ANAPC4: variants seen among roughly 807,000 people sequenced by gnomAD.
ANAPC4 encodes the protein anaphase-promoting complex subunit 4.
Under a neutral mutation model 119.8 loss-of-function variants are expected in ANAPC4, and 63 were observed. The observed-to-expected ratio is 0.53, with a 90% CI of 0.43 to 0.65. ANAPC4 has a LOEUF of 0.65. ANAPC4 is among the 30% of genes least tolerant of loss of function. The probability of loss-of-function intolerance (pLI) is 0.00; values close to 1 mark genes in which losing one functional copy is unlikely to be tolerated. For synonymous variants in ANAPC4, 283 were observed against 318.6 expected, an observed-to-expected ratio of 0.89 and a Z score of 1.19; for missense variants, 716 against 945.1, an observed-to-expected ratio of 0.76 and a Z score of 3.18.
intron 14 of ANAPC4, 112 bp from the exon 15 acceptor site, chr4:25,396,552 A>G (rs1722663824): frequency 1.1e-5 from 9 of 814,186 alleles, no homozygotes; most frequent in Non-Finnish European, 1.7e-5. Context: ...TCTCATGGAA[A>G]CAAAATGAAA....
intron 14 of ANAPC4, among the ~76,000 whole-genome samples, chr4:25,396,261 A>G (rs945055163): frequency 6.6e-6 from 1 of 152,174 alleles, no homozygotes; most frequent in Non-Finnish European, 1.5e-5. Flanking sequence ...TATACTGTCA[A>G]TGCCATGAGA....
chr4:25,392,879 G>GTC (rs1722429215), intron 10 of ANAPC4, among the ~76,000 whole-genome samples: 1 of 152,118 alleles, frequency 6.6e-6, no homozygotes, highest in Admixed American at 6.5e-5. Flanking sequence ...GTGATTCCTT[G>GTC]TCTCTACTCC....
At chr4:25,380,004 A>G (rs1721621816) in intron 2 of ANAPC4, among the ~76,000 whole-genome samples, 1 of 152,224 alleles carries the variant, frequency 6.6e-6, no homozygotes, top group Non-Finnish European at 1.5e-5. Flanking sequence ...CACAGCTGAA[A>G]CTAGGTGCCA....
At chr4:25,394,644 C>A (rs756315825) in intron 12 of ANAPC4, 27 bp from the exon 13 acceptor site, 1 of 1,574,794 alleles carries the variant, frequency 6.4e-7, no homozygotes, top group Non-Finnish European at 8.6e-7. Flanking sequence ...AGAGAAGTGA[C>A]TAAAAATACT....
Position 25,405,127 on chromosome 4 carries a change from G to T in ANAPC4, c.1271-446G>T, listed in dbSNP as rs1163110730. Among the ~76,000 whole-genome samples the T allele has an allele frequency of 1.3e-5, 2 of 150,920 alleles. No homozygotes were observed. The highest frequency in any genetic ancestry group is 2.9e-5 in the Non-Finnish European group (2 of 67,824). On this transcript the variant is annotated intron_variant, in intron 17 of 28. Transcript: ENST00000315368. This position sits in a 1 kb window ranked among gnomAD's most constrained non-coding sequence, Gnocchi z 4.6. ...AGTCAACCACAGATACTAGATCAAAGAAAAGTACATAAATATACTGTAAGC... is the reference window on the plus strand; with the variant it reads ...AGTCAACCACAGATACTAGATCAAATAAAAGTACATAAATATACTGTAAGC...
At chr4:25,390,830 T>C (rs1449478975) in intron 8 of ANAPC4, 81 bp from the exon 9 acceptor site, 8 of 1,050,960 alleles carry the variant, frequency 7.6e-6, no homozygotes, top group Non-Finnish European at 2.8e-6. Context: ...TTTAAAGCTC[T>C]GAGTTTTTGC....
chr4:25,381,774 C>T (rs539115781), intron 3 of ANAPC4, among the ~76,000 whole-genome samples: 4 of 152,052 alleles, frequency 2.6e-5, no homozygotes, highest in Admixed American at 1.3e-4. Context: ...ATGGTGAAAC[C>T]CCATCTCTAC....
At chr4:25,409,858 C>G (rs1723468147) in intron 21 of ANAPC4, 67 bp downstream of exon 21, 6 of 1,111,524 alleles carry the variant, frequency 5.4e-6, no homozygotes, top group Non-Finnish European at 8.1e-6. Flanking sequence ...TTGAATAGTT[C>G]TGCTAACAGT....
chr4:25,413,371 T>C (rs924772710), intron 21 of ANAPC4: 1 of 305,670 alleles, frequency 3.3e-6, no homozygotes, highest in African/African-American at 2.2e-5. Context: ...ATTCCTTGCT[T>C]CTTATAGCCA....
At chr4:25,394,987 C>G in intron 14 of ANAPC4, 82 bp downstream of exon 14, 1 of 1,079,056 alleles carries the variant, frequency 9.3e-7, no homozygotes, top group South Asian at 1.4e-5. Context: ...TTTTCTTCAT[C>G]TGGCATTCTC....
In ANAPC4 at chr4:25,407,255, T is replaced by C. The variant is rs1486355185; in HGVS notation, c.1431+2T>C. On this transcript the variant is annotated splice_donor_variant, in intron 20 of 28. Coordinates refer to ENST00000315368, the MANE Select transcript of ANAPC4 (RefSeq NM_013367.3). LOFTEE classifies it high-confidence loss of function. Reference sequence around the variant, plus strand: ...TTTAACGTTGAAAGAGTTGGTCAGGTATGGGCTTTGAACTCATTTTAAAAC... The same window carrying C: ...TTTAACGTTGAAAGAGTTGGTCAGGCATGGGCTTTGAACTCATTTTAAAAC... 6.2e-7 allele frequency: 1 copy of C among 1,605,432 alleles called. No individual in the cohort carries two copies.
intron 4 of ANAPC4, among the ~76,000 whole-genome samples, chr4:25,385,301 A>C (rs1721971280): frequency 6.6e-6 from 1 of 152,200 alleles, no homozygotes; most frequent in South Asian, 2.1e-4. Flanking sequence ...ATATCTCTAT[A>C]TGTATATATG....
intron 19 of ANAPC4, 96 bp from the exon 20 acceptor site, chr4:25,407,101 C>G (rs910180919): frequency 1.2e-5 from 13 of 1,079,428 alleles, no homozygotes; most frequent in Admixed American, 2.7e-5. Context: ...AACTGCCACT[C>G]ACAGCTCTCT....
At chr4:25,401,504 C>G (rs558980856) in intron 16 of ANAPC4, among the ~76,000 whole-genome samples, 114 of 152,256 alleles carry the variant, frequency 7.5e-4, no homozygotes, top group African/African-American at 2.0e-3. Flanking sequence ...AGTTTGTCCC[C>G]CTGTGTCCAG....
intron 9 of ANAPC4, among the ~76,000 whole-genome samples, chr4:25,391,872 C>G (rs931663273): frequency 1.3e-5 from 2 of 152,202 alleles, no homozygotes; most frequent in African/African-American, 4.8e-5. Flanking sequence ...TTATGTGAAA[C>G]TATGATCACC....
At chr4:25,395,056 C>A (rs1005561588) in intron 14 of ANAPC4, 151 bp downstream of exon 14, 2 of 592,282 alleles carry the variant, frequency 3.4e-6, no homozygotes, top group Admixed American at 3.5e-5. Flanking sequence ...TCTTCCTATA[C>A]CCAAGATTGA....
chr4:25,396,639 A>C, intron 14 of ANAPC4, 25 bp from the exon 15 acceptor site: 4 of 1,517,286 alleles, frequency 2.6e-6, no homozygotes, highest in Non-Finnish European at 3.6e-6. Context: ...CATGATACTA[A>C]TTTATTTCTG....
At position 25,388,526 on chromosome 4, in the gene ANAPC4, A is replaced by C; in HGVS notation, c.395A>C (p.Glu132Ala). ...SSVLTSFYNAEDESNLLLPKL... is the reference protein window; with the variant it reads ...SSVLTSFYNAADESNLLLPKL... ...GTTCTCACATCATTTTATAATGCTG[A>C]GGATGAATCAAATCTTCTCTTACCT... is the stretch of plus-strand genomic sequence containing the variant. The change falls in exon 5 of 29, where the codon GAG (glutamate) becomes GCG (alanine). Residue 132 changes from glutamate to alanine, a missense_variant. By Grantham distance (107) the Glu-to-Ala change is moderately radical. Around this residue, in one of 3 missense-constraint regions of ANAPC4, gnomAD observed 202 missense variants for 293.5 expected, o/e 0.69. Transcript: ENST00000315368. 1.2e-6 allele frequency: 2 copies of C among 1,602,874 alleles called. No homozygotes were observed. The highest frequency in any genetic ancestry group is 1.7e-6 in the Non-Finnish European group (2 of 1,170,712).
intron 21 of ANAPC4, 131 bp from the exon 22 acceptor site, chr4:25,413,514 A>T (rs553262988): frequency 3.3e-6 from 2 of 610,262 alleles, no homozygotes; most frequent in African/African-American, 1.9e-5. Flanking sequence ...TGAAAATCCA[A>T]TGAAGTGGTC....
Sources: gnomAD v4.1 joint callset for allele counts (sites outside exome capture counted in the v4.1 genomes callset) on GRCh38, gnomAD v4.1.1 for gene constraint, gnomAD v4.1.1 regional missense constraint, Gnocchi (gnomAD v3.1) non-coding constraint, MANE v1.5 for transcripts, NCBI Gene and HGNC (gene_info 2026-07-23, HGNC 2026-07-21) for gene names.